TTLL7: variants seen among roughly 807,000 people sequenced by gnomAD.
TTLL7 encodes the protein tubulin tyrosine ligase like 7.
In TTLL7, 53 loss-of-function variants were observed where a neutral mutation model predicts 120.2. The observed-to-expected ratio is 0.44, with a 90% confidence interval of 0.35 to 0.55. The LOEUF (loss-of-function observed/expected upper bound fraction) is 0.55. Ranked by LOEUF, TTLL7 falls within the 20% of genes least tolerant of loss-of-function variation. The pLI is 0.00. For synonymous variants in TTLL7, 353 were observed against 351.7 expected, an observed-to-expected ratio of 1.00 and a Z score of -0.04; for missense variants, 803 against 1,054.7, an observed-to-expected ratio of 0.76 and a Z score of 3.31.
At chr1:83,987,217 A>C (rs1007791352) in intron 1 of TTLL7, among the ~76,000 whole-genome samples, 2 of 151,934 alleles carry the variant, frequency 1.3e-5, no homozygotes, top group African/African-American at 4.8e-5. Context: ...CATAATTAAA[A>C]TTATAATTTG....
At chr1:83,920,991 A>C in intron 12 of TTLL7, 96 bp downstream of exon 12, 1 of 1,322,590 alleles carries the variant, frequency 7.6e-7, no homozygotes, top group Non-Finnish European at 1.0e-6. Context: ...GAATGAAAGA[A>C]AAATGCTTAA....
intron 20 of TTLL7, among the ~76,000 whole-genome samples, chr1:83,870,938 T>G (rs1273570821): frequency 6.6e-6 from 1 of 150,962 alleles, no homozygotes; most frequent in Non-Finnish European, 1.5e-5. Context: ...GATTACGGGT[T>G]GCATGTAACC....
intron 5 of TTLL7, among the ~76,000 whole-genome samples, chr1:83,948,354 G>T (rs1296585478): frequency 6.6e-6 from 1 of 152,126 alleles, no homozygotes; most frequent in African/African-American, 2.4e-5. Context: ...CAGTAAAGAG[G>T]CCTGAGATTC....
At chr1:83,921,762 C>T (rs1658691533) in intron 10 of TTLL7, among the ~76,000 whole-genome samples, 1 of 152,072 alleles carries the variant, frequency 6.6e-6, no homozygotes, top group South Asian at 2.1e-4. Flanking sequence ...CTGTTTCCTC[C>T]TTGAGTTCTT....
intron 10 of TTLL7, among the ~76,000 whole-genome samples, chr1:83,925,419 G>A (rs1659031187): frequency 6.6e-6 from 1 of 152,142 alleles, no homozygotes; most frequent in South Asian, 2.1e-4. Context: ...CAGTGGTAGT[G>A]GACTCGGAAT....
chr1:83,924,328 G>C (rs17130265), intron 10 of TTLL7, among the ~76,000 whole-genome samples: 1 of 152,282 alleles, frequency 6.6e-6, no homozygotes, highest in Non-Finnish European at 1.5e-5. Flanking sequence ...TAGGTTTTAC[G>C]AATGTGCCGA....
chr1:83,989,530 C>T (rs1300483509), intron 1 of TTLL7, among the ~76,000 whole-genome samples: 2 of 152,128 alleles, frequency 1.3e-5, no homozygotes, highest in African/African-American at 4.8e-5. Flanking sequence ...TGTTTTTGTA[C>T]CAGTACTATG....
At chr1:83,960,905 A>G (rs1218672235) in intron 1 of TTLL7, among the ~76,000 whole-genome samples, 2 of 152,148 alleles carry the variant, frequency 1.3e-5, no homozygotes, top group Non-Finnish European at 2.9e-5. Flanking sequence ...TACTCCTTGA[A>G]CATAGTAACT....
intron 1 of TTLL7, among the ~76,000 whole-genome samples, chr1:83,985,073 G>A (rs1003782057): frequency 6.6e-6 from 1 of 152,196 alleles, no homozygotes; most frequent in Non-Finnish European, 1.5e-5. Context: ...GAGTTTATTA[G>A]GGAGAATTGG....
chr1:83,899,017 T>G (rs1039873695), intron 18 of TTLL7, among the ~76,000 whole-genome samples: 9 of 151,922 alleles, frequency 5.9e-5, no homozygotes, highest in African/African-American at 1.9e-4. Flanking sequence ...GTTAGGCTTC[T>G]TTTTGTGAAT....
chr1:83,920,995 T>C, intron 12 of TTLL7, 92 bp downstream of exon 12: 1 of 1,345,582 alleles, frequency 7.4e-7, no homozygotes, highest in South Asian at 1.4e-5. Context: ...GAAAGAAAAA[T>C]GCTTAAAATA....
chr1:83,875,038 T>C (rs1653804015), intron 20 of TTLL7, among the ~76,000 whole-genome samples: 1 of 151,828 alleles, frequency 6.6e-6, no homozygotes, highest in South Asian at 2.1e-4. Flanking sequence ...ATAAGGTATT[T>C]TAAAAAGTAC....
At position 83,993,637 on chromosome 1, in the gene TTLL7, G is replaced by T. The variant is rs369945935; in HGVS notation, c.-177+5294C>A. Among the ~76,000 whole-genome samples the T allele has an allele frequency of 1.3e-4, 20 of 152,288 alleles. No individual in the cohort carries two copies. The East Asian group carries it at 3.9e-3, about 29-fold the overall frequency. ...ACCAACAATCTCACCAATTTCAAAA[G>T]AAAGGATCAGAGACCTTTGGGTCAG... is the stretch of plus-strand genomic sequence containing the variant. On this transcript the variant is annotated intron_variant, in intron 1 of 20. Coordinates refer to ENST00000260505, the MANE Select transcript of TTLL7 (RefSeq NM_024686.6).
Position 83,948,500 on chromosome 1 carries a change from C to T in TTLL7, c.347+128G>A, listed in dbSNP as rs369917170. On this transcript the variant is annotated intron_variant, in intron 5 of 20. Transcript: ENST00000260505. ...CAGAGACCTTCTAAGACCTCTCTAG[C>T]TCCAAAATTCTATCACTCTCATCTA... The T allele has an allele frequency of 3.8e-5, 24 of 631,552 alleles. No individual in the cohort carries two copies. The African/African-American group carries it at 4.3e-4, about 11-fold the overall frequency. The allele number at this position is 631,552 out of a possible 1,614,324, so 39.1% of individuals were successfully genotyped here. A position where few individuals can be genotyped will look rare whatever the true frequency, so the allele number is the denominator to read the frequency against.
intron 17 of TTLL7, 80 bp downstream of exon 17, chr1:83,906,249 T>A: frequency 8.0e-7 from 1 of 1,253,836 alleles, no homozygotes; most frequent in Non-Finnish European, 1.1e-6. Context: ...GCATAATGCC[T>A]TCAGGAAATA....
chr1:83,887,188 ATTGGGAATG>A, intron 19 of TTLL7: 1 of 1,113,588 alleles, frequency 9.0e-7, no homozygotes, highest in Non-Finnish European at 1.1e-6. Context: ...TTGTTTTATT[ATTGGGAATG>A]TTGACAGGCA....
chr1:83,866,310 T>C lies in TTLL7; in HGVS notation c.*3652A>G, dbSNP rs1652912077. The C allele has an allele frequency of 6.6e-6, 1 of 151,918 alleles. No individual in the cohort carries two copies. 9.4% of individuals were successfully genotyped at this position (151,918 alleles called of 1,614,324 possible). On this transcript the variant is annotated 3_prime_UTR_variant, in exon 21 of 21. Coordinates refer to ENST00000260505, the MANE Select transcript of TTLL7 (RefSeq NM_024686.6). ...ATGTATATGCTTAAATCTAAAGAAA[T>C]TTTTTAACTATTAGTACTTTGACAT...
intron 1 of TTLL7, among the ~76,000 whole-genome samples, chr1:83,992,791 C>CTTTTTTTTTTTTTTTTTT (rs367737528): frequency 9.8e-6 from 1 of 101,546 alleles, no homozygotes; most frequent in Non-Finnish European, 1.9e-5. Context: ...TATTCAAGTT[C>CTTTTTTTTTTTTTTTTTT]TTTTTTTTTT....
intron 9 of TTLL7, among the ~76,000 whole-genome samples, chr1:83,933,125 A>G (rs974293782): frequency 1.6e-4 from 24 of 152,128 alleles, no homozygotes; most frequent in Admixed American, 1.4e-3. Context: ...GGTATATAAC[A>G]TGGCCTTAAA....
Sources: allele counts gnomAD v4.1 joint callset (sites outside exome capture counted in the v4.1 genomes callset), GRCh38; gene constraint gnomAD v4.1.1; transcripts MANE v1.5; gene names NCBI Gene and HGNC (gene_info 2026-07-23, HGNC 2026-07-21).